The following CADPS2 variants were observed in gnomAD, a reference collection of about 807,000 sequenced individuals.
CADPS2 encodes calcium dependent secretion activator 2.
In CADPS2, 93 loss-of-function variants were observed where a neutral mutation model predicts 172.5. The observed-to-expected ratio is 0.54, with a 90% CI of 0.46 to 0.64. The LOEUF (loss-of-function observed/expected upper bound fraction) is 0.64. Among genes scored for constraint, CADPS2 ranks in the 30% least tolerant of loss-of-function variants. CADPS2 has a pLI of 0.00. For synonymous variants in CADPS2, 546 were observed against 555.2 expected, an observed-to-expected ratio of 0.98 and a Z score of 0.23; for missense variants, 1,420 against 1,565.9, an observed-to-expected ratio of 0.91 and a Z score of 1.57.
intron 1 of CADPS2, among the ~76,000 whole-genome samples, chr7:122,821,871 G>C (rs1011003430): frequency 6.7e-6 from 1 of 149,072 alleles, no homozygotes. Flanking sequence ...GCCTGTCCTC[G>C]GAATGCTACA....
At chr7:122,713,049 T>C (rs750535282) in intron 2 of CADPS2, among the ~76,000 whole-genome samples, 12 of 152,066 alleles carry the variant, frequency 7.9e-5, no homozygotes, top group African/African-American at 2.4e-5. Flanking sequence ...TTAATCATTA[T>C]ATAGTTCTGA....
chr7:122,498,019 G>A (rs889831966), intron 9 of CADPS2, among the ~76,000 whole-genome samples: 7 of 152,088 alleles, frequency 4.6e-5, no homozygotes, highest in African/African-American at 7.2e-5. Flanking sequence ...GCAGTGGCAC[G>A]AACTCGGCTC....
At chr7:122,850,348 T>C in intron 1 of CADPS2, 1 of 408,268 alleles carries the variant, frequency 2.4e-6, no homozygotes, top group Non-Finnish European at 4.5e-6. Context: ...CCCTGCTGTG[T>C]CAGATCACCA....
At chr7:122,322,964 T>C (rs926934604) in intron 29 of CADPS2, among the ~76,000 whole-genome samples, 2 of 152,186 alleles carry the variant, frequency 1.3e-5, no homozygotes, top group Admixed American at 6.5e-5. Context: ...CAAGTCTAAG[T>C]GACCTGGATG....
intron 2 of CADPS2, among the ~76,000 whole-genome samples, chr7:122,694,497 C>T (rs760787162): frequency 3.3e-5 from 5 of 152,090 alleles, no homozygotes; most frequent in African/African-American, 7.2e-5. Flanking sequence ...AAAATCATCA[C>T]GGGACACAGT....
intron 8 of CADPS2, among the ~76,000 whole-genome samples, chr7:122,542,085 T>G (rs983807394): frequency 5.9e-5 from 9 of 151,850 alleles, no homozygotes; most frequent in African/African-American, 2.2e-4. Flanking sequence ...AATGTTTTAG[T>G]CACTTTAGTG....
intron 2 of CADPS2, among the ~76,000 whole-genome samples, chr7:122,690,872 G>A (rs1426171359): frequency 6.6e-6 from 1 of 152,186 alleles, no homozygotes; most frequent in Non-Finnish European, 1.5e-5. Context: ...AGAATGGCCG[G>A]ACTGTGACAA....
chr7:122,847,087 CCTTT>C (rs1245504350), intron 1 of CADPS2, among the ~76,000 whole-genome samples: 1 of 152,094 alleles, frequency 6.6e-6, no homozygotes, highest in African/African-American at 2.4e-5. Context: ...CACATTCATA[CCTTT>C]TTTTTTCTTT....
chr7:122,838,245 A>G (rs1300840892), intron 1 of CADPS2, among the ~76,000 whole-genome samples: 2 of 152,058 alleles, frequency 1.3e-5, no homozygotes, highest in Non-Finnish European at 2.9e-5. Context: ...CATGCTAAAA[A>G]CTCTCAATAA....
At chr7:122,633,559 T>C (rs904850778) in intron 3 of CADPS2, among the ~76,000 whole-genome samples, 1 of 152,200 alleles carries the variant, frequency 6.6e-6, no homozygotes, top group Non-Finnish European at 1.5e-5. Context: ...GCTGTGAAAC[T>C]TTACTGAAGT....
At chr7:122,533,022 G>A (rs1330148244) in intron 8 of CADPS2, among the ~76,000 whole-genome samples, 2 of 151,338 alleles carry the variant, frequency 1.3e-5, no homozygotes, top group Non-Finnish European at 3.0e-5. Context: ...TAAATGCTCC[G>A]CACCCCCACC....
Position 122,349,116 on chromosome 7 carries a change from A to T in CADPS2, c.3505-3435T>A, listed in dbSNP as rs1001876283. Among the ~76,000 whole-genome samples, 16 of 152,134 alleles carry T rather than the reference A, an allele frequency of 1.1e-4. No homozygotes were observed. The East Asian group carries it at 2.9e-3, about 27-fold the overall frequency. ...TTTGGTGTGTACATGAAGACAATGCATATGATTGCATTGTAAAGACAAACT... is the reference window on the plus strand; with the variant it reads ...TTTGGTGTGTACATGAAGACAATGCTTATGATTGCATTGTAAAGACAAACT... On this transcript the variant is annotated intron_variant, in intron 27 of 29. Transcript: ENST00000449022.
At chr7:122,632,004 C>T (rs2076623828) in intron 3 of CADPS2, among the ~76,000 whole-genome samples, 1 of 152,098 alleles carries the variant, frequency 6.6e-6, no homozygotes, top group African/African-American at 2.4e-5. Context: ...ATCGACATTG[C>T]TGCAAAGAAT....
At chr7:122,762,379 A>T (rs1352386639) in intron 1 of CADPS2, among the ~76,000 whole-genome samples, 1 of 152,136 alleles carries the variant, frequency 6.6e-6, no homozygotes, top group Non-Finnish European at 1.5e-5. Context: ...GAGGCACACA[A>T]ATTAACAAAT....
intron 1 of CADPS2, among the ~76,000 whole-genome samples, chr7:122,778,831 GT>G (rs1562994403): frequency 6.6e-6 from 1 of 152,248 alleles, no homozygotes; most frequent in Admixed American, 6.5e-5. Flanking sequence ...GTTTTAAAAT[GT>G]GACGACATGA....
chr7:122,356,012 A>C (rs996263743), intron 27 of CADPS2, among the ~76,000 whole-genome samples: 1 of 152,210 alleles, frequency 6.6e-6, no homozygotes, highest in African/African-American at 2.4e-5. Context: ...AATTTCCCCT[A>C]TTATTATCAT....
At chr7:122,462,805 T>C (rs747120621) in intron 14 of CADPS2, among the ~76,000 whole-genome samples, 1 of 152,086 alleles carries the variant, frequency 6.6e-6, no homozygotes, top group Admixed American at 6.6e-5. Flanking sequence ...TATCTAACAA[T>C]CTTAAGCTTG....
intron 18 of CADPS2, 74 bp from the exon 19 acceptor site, chr7:122,414,150 A>G (rs1262927944): frequency 8.7e-7 from 1 of 1,148,786 alleles, no homozygotes; most frequent in Non-Finnish European, 1.2e-6. Flanking sequence ...ATCTTTAAAA[A>G]AGGTCATCAT....
At chr7:122,808,577 T>C (rs1799319075) in intron 1 of CADPS2, among the ~76,000 whole-genome samples, 2 of 152,202 alleles carry the variant, frequency 1.3e-5, no homozygotes, top group Non-Finnish European at 2.9e-5. Flanking sequence ...GGAAGTTAGA[T>C]GTCAAACTGT....
Sources: gnomAD v4.1 joint callset for allele counts (sites outside exome capture counted in the v4.1 genomes callset) on GRCh38, gnomAD v4.1.1 for gene constraint, MANE v1.5 for transcripts, NCBI Gene and HGNC (gene_info 2026-07-23, HGNC 2026-07-21) for gene names.